Variants in DLG3 observed in about 807,000 individuals in gnomAD.
DLG3 encodes disks large homolog 3.
Under a neutral mutation model 64.1 loss-of-function variants are expected in DLG3, and 1 was observed. The observed-to-expected ratio is 0.02, with a 90% CI of 0.01 to 0.07. The LOEUF (loss-of-function observed/expected upper bound fraction) is 0.07. Ranked by LOEUF, DLG3 falls within the 10% of genes least tolerant of loss-of-function variation. DLG3 has a pLI of 1.00. For synonymous variants in DLG3, 245 were observed against 259.8 expected (o/e 0.94, Z 0.55); for missense variants, 429 against 669.5 (o/e 0.64, Z 3.96).
intron 18 of DLG3, 103 bp downstream of exon 18, chrX:70,501,092 G>A (rs775987676): frequency 2.5e-5 from 16 of 652,301 alleles, no homozygotes; most frequent in Non-Finnish European, 3.4e-5. Flanking sequence ...AACCTTGCAC[G>A]GAGTTTCCAG....
Position 70,503,328 on chromosome X carries a change from G to A in DLG3, c.*1059G>A, listed in dbSNP as rs1026022856. ...TTTTACTTTTACTATTTAAGTGAAT[G>A]CATAGAATCCAATTTGCCAAGGTTC... On this transcript the variant is annotated 3_prime_UTR_variant, in exon 19 of 19. Transcript: ENST00000374360. 1 of 112,811 alleles carries A rather than the reference G, an allele frequency of 8.9e-6. No homozygotes were observed. Among genetic ancestry groups the A allele is most frequent in the African/African-American group, 3.2e-5 (1 of 30,945 alleles). The allele number at this position is 112,811 out of a possible 1,213,427, so 9.3% of individuals were successfully genotyped here.
intron 7 of DLG3, 60 bp downstream of exon 7, chrX:70,452,086 C>A: frequency 8.5e-7 from 1 of 1,171,286 alleles, no homozygotes; most frequent in Non-Finnish European, 1.2e-6. Context: ...GGGGAGGAAT[C>A]CGTTTCTGGC....
intron 1 of DLG3, among the ~76,000 whole-genome samples, chrX:70,445,999 G>C (rs1266119386): frequency 9.1e-6 from 1 of 109,698 alleles, no homozygotes; most frequent in East Asian, 2.9e-4. Flanking sequence ...TGTGGAGGAA[G>C]GCAATGGAGC....
intron 13 of DLG3, among the ~76,000 whole-genome samples, chrX:70,497,723 T>G (rs778189257): frequency 9.9e-4 from 111 of 112,211 alleles, no homozygotes; most frequent in Non-Finnish European, 1.9e-3. Flanking sequence ...TCATGAACTT[T>G]GGGAGCACTG....
Position 70,502,328 on chromosome X carries a change from C to A in DLG3, c.*59C>A. 1 of 817,246 alleles carries A rather than the reference C, an allele frequency of 1.2e-6. No individual in the cohort carries two copies. Among genetic ancestry groups the A allele is most frequent in the Admixed American group, 2.4e-5 (1 of 41,753 alleles). The allele number at this position is 817,246 out of a possible 1,213,427, so 67.4% of individuals were successfully genotyped here. ...AGAAATCAAGTCCCTCTTCCCTCCT[C>A]CCTCTTCATTCCTGTCCCCATGGGG... On this transcript the variant is annotated 3_prime_UTR_variant, in exon 19 of 19. Transcript: ENST00000374360.
chrX:70,494,885 G>A (rs2087424981), intron 12 of DLG3, among the ~76,000 whole-genome samples: 1 of 112,754 alleles, frequency 8.9e-6, no homozygotes, highest in Non-Finnish European at 1.9e-5. Context: ...GAGTGAATCA[G>A]TATTGGGCAA....
At chrX:70,447,198 G>T (rs999367301) in intron 1 of DLG3, among the ~76,000 whole-genome samples, 4 of 111,381 alleles carry the variant, frequency 3.6e-5, no homozygotes, top group African/African-American at 1.3e-4. Flanking sequence ...AGGTCCTTGA[G>T]TAGGGGTGGG....
At chrX:70,479,365 C>T in intron 10 of DLG3, 101 bp downstream of exon 10, 1 of 637,107 alleles carries the variant, frequency 1.6e-6, no homozygotes, top group East Asian at 3.3e-5. Flanking sequence ...AGTATGTACT[C>T]CCAGTTCTAA....
chrX:70,498,496 A>G, intron 13 of DLG3, 24 bp from the exon 14 acceptor site: 1 of 1,205,273 alleles, frequency 8.3e-7, no homozygotes, highest in Non-Finnish European at 1.1e-6. Context: ...TATGGTGCTA[A>G]CCTATCTCTC....
chrX:70,467,657 A>G (rs2086906034), intron 9 of DLG3, among the ~76,000 whole-genome samples: 1 of 112,209 alleles, frequency 8.9e-6, no homozygotes, highest in Admixed American at 9.5e-5. Flanking sequence ...CAAGTTGTCA[A>G]ACTTCATCAT....
chrX:70,445,618 C>A, intron 1 of DLG3, 60 bp downstream of exon 1: 1 of 1,074,657 alleles, frequency 9.3e-7, no homozygotes, highest in East Asian at 3.3e-5. Flanking sequence ...GAGTGGGGGC[C>A]TAGAGGCCTG....
In DLG3 at chrX:70,504,861, G is replaced by A. The variant is rs981939571; in HGVS notation, c.*2592G>A. ...ATAGCCCTCTGAGGAGGGGAGGGAT[G>A]CTTAGAGCAGGCAGTTCTGGCAGTT... On this transcript the variant is annotated 3_prime_UTR_variant, in exon 19 of 19. Coordinates refer to ENST00000374360, the MANE Select transcript of DLG3 (RefSeq NM_021120.4). 3 of 112,499 alleles carry A rather than the reference G, an allele frequency of 2.7e-5. No individual in the cohort carries two copies. The highest frequency in any genetic ancestry group is 9.7e-5 in the African/African-American group (3 of 30,832). 9.3% of individuals were successfully genotyped at this position (112,499 alleles called of 1,213,427 possible). A position where few individuals can be genotyped will look rare whatever the true frequency, so the allele number is the denominator to read the frequency against.
chrX:70,470,969 T>A (rs764944626), intron 9 of DLG3, among the ~76,000 whole-genome samples: 1 of 111,619 alleles, frequency 9.0e-6, no homozygotes, highest in African/African-American at 3.3e-5. Flanking sequence ...GTTCGTGGTT[T>A]TGTTGGTCAG....
At chrX:70,492,031 C>T (rs1261070878) in intron 10 of DLG3, 76 bp from the exon 11 acceptor site, 2 of 1,102,208 alleles carry the variant, frequency 1.8e-6, no homozygotes, top group Admixed American at 5.2e-5. Flanking sequence ...TTGGGTTGGC[C>T]TTCCATCTTT....
At chrX:70,466,311 C>T (rs1013019040) in intron 9 of DLG3, among the ~76,000 whole-genome samples, 1 of 105,885 alleles carries the variant, frequency 9.4e-6, no homozygotes, top group Non-Finnish European at 1.9e-5. Context: ...CCTGTTCATA[C>T]CCTTTCCCCA....
At chrX:70,451,173 C>G (rs1306294088) in intron 6 of DLG3, among the ~76,000 whole-genome samples, 1 of 111,848 alleles carries the variant, frequency 8.9e-6, no homozygotes, top group Non-Finnish European at 1.9e-5. Context: ...ACGATGTCAG[C>G]TCACTGCGAA....
intron 9 of DLG3, among the ~76,000 whole-genome samples, chrX:70,461,840 A>G (rs1405664186): frequency 3.6e-5 from 4 of 111,857 alleles, no homozygotes; most frequent in African/African-American, 1.3e-4. Context: ...AATTATAGGC[A>G]TGAGCCACCA....
chrX:70,466,588 G>A (rs947154996), intron 9 of DLG3, among the ~76,000 whole-genome samples: 51 of 108,673 alleles, frequency 4.7e-4, no homozygotes, highest in African/African-American at 1.6e-3. Flanking sequence ...ACAGGTGTGC[G>A]CCACCACACT....
chrX:70,485,547 G>A (rs2087239459), intron 10 of DLG3, among the ~76,000 whole-genome samples: 1 of 111,235 alleles, frequency 9.0e-6, no homozygotes, highest in South Asian at 3.8e-4. Flanking sequence ...TAGAGAGGTG[G>A]GCACAATACT....
Sources: gnomAD v4.1 joint callset for allele counts (sites outside exome capture counted in the v4.1 genomes callset) on GRCh38, gnomAD v4.1.1 for gene constraint, MANE v1.5 for transcripts, NCBI Gene and HGNC (gene_info 2026-07-23, HGNC 2026-07-21) for gene names.